Variants in SMCHD1 observed in about 807,000 individuals in gnomAD.
The protein encoded by SMCHD1 is structural maintenance of chromosomes flexible hinge domain-containing protein 1.
SMCHD1 carries 78 observed loss-of-function variants against 254.7 expected under a neutral mutation model. The ratio of observed to expected loss-of-function variants is 0.31; its 90% CI spans 0.26 to 0.37. The LOEUF (loss-of-function observed/expected upper bound fraction) is 0.37, where lower values mean the gene tolerates loss of function less well. SMCHD1 is among the 10% of genes least tolerant of loss of function. The pLI is 1.00. For missense variants in SMCHD1, 1,840 were observed against 2,408.1 expected (o/e 0.76, Z 4.94); for synonymous variants, 766 against 794.9 (o/e 0.96, Z 0.61).
intron 39 of SMCHD1, 79 bp downstream of exon 39, chr18:2,770,187 C>T (rs1216874471): frequency 2.1e-6 from 3 of 1,406,020 alleles, no homozygotes; most frequent in Non-Finnish European, 2.9e-6. Context: ...CACAAACAAG[C>T]TTCCACTTTC....
At chr18:2,714,008 CA>C (rs1359259043) in intron 17 of SMCHD1, among the ~76,000 whole-genome samples, 1 of 152,130 alleles carries the variant, frequency 6.6e-6, no homozygotes, top group Non-Finnish European at 1.5e-5. Context: ...TGCTTAGGTC[CA>C]TTTGGTCTAA....
At chr18:2,697,344 T>C (rs1400596894) in intron 9 of SMCHD1, 7 of 365,956 alleles carry the variant, frequency 1.9e-5, no homozygotes, top group Non-Finnish European at 3.5e-5. Context: ...TTTTTTTGTC[T>C]CTCTTCTGTG....
At chr18:2,692,854 A>G (rs2074208983) in intron 7 of SMCHD1, among the ~76,000 whole-genome samples, 6 of 152,340 alleles carry the variant, frequency 3.9e-5, no homozygotes, top group South Asian at 4.1e-4. Flanking sequence ...TGTCTTATTT[A>G]TCTTGAACCT....
At chr18:2,771,216 A>G (rs536016292) in intron 39 of SMCHD1, among the ~76,000 whole-genome samples, 6 of 152,320 alleles carry the variant, frequency 3.9e-5, no homozygotes, top group African/African-American at 1.4e-4. Flanking sequence ...AGTCTTTGAG[A>G]ACAGCCTTGT....
At chr18:2,791,702 G>A (rs867385620) in intron 45 of SMCHD1, among the ~76,000 whole-genome samples, 7 of 152,280 alleles carry the variant, frequency 4.6e-5, no homozygotes, top group Middle Eastern at 3.4e-3. Context: ...TCCAGACTAC[G>A]TAAAACAGAA....
intron 5 of SMCHD1, among the ~76,000 whole-genome samples, chr18:2,676,670 C>T (rs1459378627): frequency 2.0e-5 from 3 of 152,114 alleles, no homozygotes; most frequent in Non-Finnish European, 2.9e-5. Context: ...TATTTTGAAA[C>T]GTTTCAAGCC....
chr18:2,687,761 G>T (rs889728107), intron 5 of SMCHD1, among the ~76,000 whole-genome samples: 1 of 151,958 alleles, frequency 6.6e-6, no homozygotes, highest in Non-Finnish European at 1.5e-5. Context: ...CTGTGGTTAC[G>T]TTCTTTGCAT....
chr18:2,744,958 C>A (rs964965502), intron 29 of SMCHD1, among the ~76,000 whole-genome samples: 1 of 152,204 alleles, frequency 6.6e-6, no homozygotes, highest in Non-Finnish European at 1.5e-5. Context: ...ATTATCCTGC[C>A]TCAGCCTCCC....
intron 45 of SMCHD1, among the ~76,000 whole-genome samples, chr18:2,794,320 C>A (rs1351712379): frequency 2.6e-5 from 4 of 151,976 alleles, no homozygotes; most frequent in African/African-American, 7.3e-5. Context: ...ATAGTGAAAC[C>A]CCGTCTCTAA....
intron 44 of SMCHD1, among the ~76,000 whole-genome samples, chr18:2,780,978 A>G (rs2076148551): frequency 6.6e-6 from 1 of 152,228 alleles, no homozygotes; most frequent in South Asian, 2.1e-4. Flanking sequence ...TTCTAAGTGG[A>G]AGTGGGAACC....
rs777157785 is a variant in SMCHD1, at chr18:2,762,247, T to C, written c.4566+11T>C. 1.9e-6 allele frequency: 3 copies of C among 1,610,924 alleles called. No individual in the cohort carries two copies. The highest frequency in any genetic ancestry group is 3.4e-5 in the Admixed American group (2 of 59,352). The stretch of plus-strand genomic sequence containing the variant: ...CATCTTAGTATCACGGTAATGTTTA[T>C]TTTCTTCCAAAACTGCGAAGGGTAA... On this transcript the variant is annotated intron_variant, in intron 36 of 47. Coordinates refer to ENST00000320876, the MANE Select transcript of SMCHD1 (RefSeq NM_015295.3).
chr18:2,733,588 C>A (rs1357895821), intron 25 of SMCHD1, among the ~76,000 whole-genome samples: 2 of 152,178 alleles, frequency 1.3e-5, no homozygotes, highest in Non-Finnish European at 2.9e-5. Context: ...TGTGTTCCCA[C>A]TTGGTTCAGC....
intron 30 of SMCHD1, 120 bp from the exon 31 acceptor site, chr18:2,749,923 A>G: frequency 1.2e-6 from 1 of 808,670 alleles, no homozygotes; most frequent in Admixed American, 3.2e-5. Flanking sequence ...TAGATTTTAG[A>G]AGTATGCAAA....
At chr18:2,722,364 C>CATA (rs2074945167) in intron 19 of SMCHD1, among the ~76,000 whole-genome samples, 155 bp from the exon 20 acceptor site, 1 of 152,152 alleles carries the variant, frequency 6.6e-6, no homozygotes, top group Admixed American at 6.5e-5. Flanking sequence ...GTCTGCATAA[C>CATA]ATATAATTTT....
intron 17 of SMCHD1, among the ~76,000 whole-genome samples, chr18:2,708,907 T>TATATATATATAA (rs769432583): frequency 0.029 from 1,294 of 44,624 alleles, 284 homozygotes; most frequent in Middle Eastern, 0.054. Flanking sequence ...TATATATATA[T>TATATATATATAA]AACATATTAA....
chr18:2,701,024 C>CTA, intron 12 of SMCHD1, 106 bp downstream of exon 12: 1 of 854,772 alleles, frequency 1.2e-6, no homozygotes, highest in South Asian at 2.4e-5. Flanking sequence ...CATCAAAAGA[C>CTA]TATGATGTAT....
Position 2,672,357 on chromosome 18 carries a change from G to T in SMCHD1, c.425-924G>T, listed in dbSNP as rs564322268. ...TTCTCCTGCCTCAGCCTCCCGAGTAGCTGGGATTATAGGCACCAGCTACCA... is the reference window on the plus strand; with the variant it reads ...TTCTCCTGCCTCAGCCTCCCGAGTATCTGGGATTATAGGCACCAGCTACCA... On this transcript the variant is annotated intron_variant, in intron 3 of 47. Coordinates refer to ENST00000320876, the MANE Select transcript of SMCHD1 (RefSeq NM_015295.3). Among the ~76,000 whole-genome samples, 9 of 152,202 alleles carry T rather than the reference G, an allele frequency of 5.9e-5. No individual in the cohort carries two copies. The East Asian group carries it at 1.7e-3, about 29-fold the overall frequency.
intron 42 of SMCHD1, 125 bp downstream of exon 42, chr18:2,776,049 G>A (rs1379905391): frequency 1.2e-6 from 1 of 836,946 alleles, no homozygotes; most frequent in Non-Finnish European, 1.8e-6. Context: ...AATTATATAC[G>A]TTATTTTTGT....
intron 21 of SMCHD1, among the ~76,000 whole-genome samples, chr18:2,725,633 A>T (rs2075012705): frequency 6.6e-6 from 1 of 151,926 alleles, no homozygotes; most frequent in South Asian, 2.1e-4. Flanking sequence ...TTAAATATTT[A>T]AAAATTTTCC....
Sources: allele counts gnomAD v4.1 joint callset (sites outside exome capture counted in the v4.1 genomes callset), GRCh38; gene constraint gnomAD v4.1.1; transcripts MANE v1.5; gene names NCBI Gene and HGNC (gene_info 2026-07-23, HGNC 2026-07-21).